MARCHF1: variants seen among roughly 807,000 people sequenced by gnomAD.
MARCHF1 encodes membrane associated ring-CH-type finger 1.
Under a neutral mutation model 54.2 loss-of-function variants are expected in MARCHF1, and 40 were observed. The observed-to-expected ratio is 0.74, with a 90% CI of 0.57 to 0.96. MARCHF1 has a LOEUF of 0.96. MARCHF1 is among the 40% of genes least tolerant of loss of function. MARCHF1 has a pLI of 0.00. For missense variants in MARCHF1, 586 were observed against 656.5 expected, an observed-to-expected ratio of 0.89 and a Z score of 1.17; for synonymous variants, 236 against 236.3, an observed-to-expected ratio of 1.00 and a Z score of 0.01.
chr4:164,377,591 G>GCACACACA (rs56204290), intron 1 of MARCHF1, among the ~76,000 whole-genome samples: 2,745 of 149,484 alleles, frequency 0.018, 33 homozygotes, highest in South Asian at 0.041. Flanking sequence ...TACTTTTTAT[G>GCACACACA]CACACACACA....
At chr4:164,034,110 G>GATAGATAGATAGACAGATAT (rs1560872008) in intron 2 of MARCHF1, among the ~76,000 whole-genome samples, 1 of 141,770 alleles carries the variant, frequency 7.1e-6, no homozygotes, top group African/African-American at 2.8e-5. Flanking sequence ...TAGATAGATA[G>GATAGATAGATAGACAGATAT]ATAGATAGAG....
At chr4:164,083,638 C>A in intron 2 of MARCHF1, among the ~76,000 whole-genome samples, 1 of 152,064 alleles carries the variant, frequency 6.6e-6, no homozygotes, top group East Asian at 1.9e-4. Context: ...TATTTCACGG[C>A]ATTCCCTCCA....
chr4:163,779,165 T>G (rs998263059), intron 4 of MARCHF1, among the ~76,000 whole-genome samples: 6 of 152,338 alleles, frequency 3.9e-5, no homozygotes, highest in African/African-American at 1.4e-4. Context: ...GCTGGTGCTT[T>G]TTACTAACAT....
chr4:163,943,227 A>T (rs1216646987), intron 3 of MARCHF1, among the ~76,000 whole-genome samples: 1 of 152,128 alleles, frequency 6.6e-6, no homozygotes, highest in Non-Finnish European at 1.5e-5. Context: ...TTTTGTTGCA[A>T]TTACTTTTGG....
intron 1 of MARCHF1, among the ~76,000 whole-genome samples, chr4:164,288,084 T>C (rs972195205): frequency 1.3e-5 from 2 of 152,138 alleles, no homozygotes; most frequent in African/African-American, 4.8e-5. Context: ...CACAAAAATG[T>C]TACAGGCAGA....
intron 1 of MARCHF1, among the ~76,000 whole-genome samples, chr4:164,250,245 T>C (rs1035736444): frequency 1.3e-5 from 2 of 152,048 alleles, no homozygotes; most frequent in African/African-American, 4.8e-5. Flanking sequence ...GGAGAGAATA[T>C]AGCATTAAAA....
intron 3 of MARCHF1, among the ~76,000 whole-genome samples, chr4:163,871,253 T>C (rs1190447871): frequency 6.6e-6 from 1 of 152,216 alleles, no homozygotes; most frequent in African/African-American, 2.4e-5. Context: ...TGCGTTATGA[T>C]GTGACACTCA....
At chr4:163,907,875 C>T (rs765133545) in intron 3 of MARCHF1, among the ~76,000 whole-genome samples, 1 of 152,024 alleles carries the variant, frequency 6.6e-6, no homozygotes. Context: ...ACATGACTCC[C>T]CCATTATATT....
chr4:163,557,747 A>T (rs967488550), intron 8 of MARCHF1, among the ~76,000 whole-genome samples: 4 of 152,090 alleles, frequency 2.6e-5, no homozygotes, highest in African/African-American at 9.7e-5. Flanking sequence ...CTTATTTACT[A>T]TTATGATTAT....
chr4:163,989,842 T>G (rs1409056019), intron 2 of MARCHF1, among the ~76,000 whole-genome samples: 3 of 152,216 alleles, frequency 2.0e-5, no homozygotes, highest in Non-Finnish European at 4.4e-5. Context: ...GATCTCCCAC[T>G]GTTTTTTGTG....
At chr4:164,179,236 A>G (rs1205261335) in intron 1 of MARCHF1, among the ~76,000 whole-genome samples, 1 of 152,200 alleles carries the variant, frequency 6.6e-6, no homozygotes, top group Non-Finnish European at 1.5e-5. Flanking sequence ...TCTGTAAAGG[A>G]AAGGCTGTGG....
intron 2 of MARCHF1, among the ~76,000 whole-genome samples, chr4:164,074,536 A>C (rs1049451851): frequency 6.6e-6 from 1 of 152,214 alleles, no homozygotes; most frequent in Non-Finnish European, 1.5e-5. Flanking sequence ...TTTTTGCTTC[A>C]TTATTTAAAA....
chr4:164,211,650 A>C (rs934805123), intron 1 of MARCHF1, among the ~76,000 whole-genome samples: 2 of 152,082 alleles, frequency 1.3e-5, no homozygotes. Context: ...AGAAGGAAAC[A>C]AAAACTCTTT....
At chr4:163,997,268 T>C (rs936906600) in intron 2 of MARCHF1, among the ~76,000 whole-genome samples, 1 of 151,990 alleles carries the variant, frequency 6.6e-6, no homozygotes, top group Non-Finnish European at 1.5e-5. Context: ...AAGGAGCTGT[T>C]TGAGGCTAAA....
At chr4:164,377,296 A>C (rs1305083628) in intron 1 of MARCHF1, among the ~76,000 whole-genome samples, 1 of 152,250 alleles carries the variant, frequency 6.6e-6, no homozygotes, top group African/African-American at 2.4e-5. Flanking sequence ...TGAATTAACT[A>C]TATTTCCGTG....
intron 2 of MARCHF1, chr4:164,055,328 C>G (rs1276083911): frequency 3.3e-5 from 5 of 151,990 alleles, no homozygotes; most frequent in African/African-American, 9.7e-5. Flanking sequence ...TCTATGATCC[C>G]AGCTACTCTG....
intron 2 of MARCHF1, among the ~76,000 whole-genome samples, chr4:164,006,707 G>A (rs1026258303): frequency 6.6e-6 from 1 of 151,894 alleles, no homozygotes; most frequent in African/African-American, 2.4e-5. Flanking sequence ...CAAGGACAAA[G>A]AGAGGGTTCT....
chr4:164,182,093 A>C (rs1431961005), intron 1 of MARCHF1, among the ~76,000 whole-genome samples: 2 of 152,122 alleles, frequency 1.3e-5, no homozygotes, highest in East Asian at 3.8e-4. Flanking sequence ...ATTCACAGAT[A>C]AACATTACAT....
chr4:164,341,380 C>T (rs767231442), intron 1 of MARCHF1, among the ~76,000 whole-genome samples: 2 of 151,600 alleles, frequency 1.3e-5, no homozygotes, highest in Non-Finnish European at 2.9e-5. Context: ...TTCTATTCAA[C>T]ATGGCACTAG....
Sources: allele counts gnomAD v4.1 joint callset (sites outside exome capture counted in the v4.1 genomes callset), GRCh38; gene constraint gnomAD v4.1.1; transcripts MANE v1.5; gene names NCBI Gene and HGNC (gene_info 2026-07-23, HGNC 2026-07-21).